Variants in HHAT observed in about 807,000 individuals in gnomAD.
HHAT encodes protein-cysteine N-palmitoyltransferase HHAT.
HHAT carries 47 observed loss-of-function variants against 70.8 expected under a neutral mutation model. The observed-to-expected ratio is 0.66, with a 90% confidence interval of 0.53 to 0.85. The LOEUF (loss-of-function observed/expected upper bound fraction) is 0.85, where lower values mean the gene tolerates loss of function less well. Among genes scored for constraint, HHAT ranks in the 40% least tolerant of loss-of-function variants. The pLI is 0.00. For missense variants in HHAT, 609 were observed against 604.8 expected, an observed-to-expected ratio of 1.01 and a Z score of -0.07; for synonymous variants, 228 against 247.6, an observed-to-expected ratio of 0.92 and a Z score of 0.74.
At chr1:210,581,326 A>G (rs768599847) in intron 9 of HHAT, among the ~76,000 whole-genome samples, 3 of 152,230 alleles carry the variant, frequency 2.0e-5, no homozygotes. Flanking sequence ...CTGGAGGGTC[A>G]TCACTGGCTG....
intron 9 of HHAT, among the ~76,000 whole-genome samples, chr1:210,557,073 G>A (rs1260354382): frequency 2.0e-5 from 3 of 152,222 alleles, no homozygotes; most frequent in Admixed American, 6.5e-5. Context: ...GAATGAGCTG[G>A]AGGAGCATGG....
chr1:210,505,449 T>A (rs1397529704), intron 8 of HHAT, among the ~76,000 whole-genome samples: 1 of 152,176 alleles, frequency 6.6e-6, no homozygotes, highest in Admixed American at 6.5e-5. Context: ...TTTGTTGTAT[T>A]TCAATTATTT....
chr1:210,372,487 T>C (rs997980544), intron 3 of HHAT, among the ~76,000 whole-genome samples: 1 of 152,242 alleles, frequency 6.6e-6, no homozygotes, highest in Non-Finnish European at 1.5e-5. Flanking sequence ...TGTTAAACAG[T>C]GAAGGTGTCT....
chr1:210,412,451 C>T (rs1311098226), intron 6 of HHAT, among the ~76,000 whole-genome samples: 1 of 152,176 alleles, frequency 6.6e-6, no homozygotes, highest in South Asian at 2.1e-4. Context: ...TGCAAATTCC[C>T]CTTCAGCTGT....
intron 3 of HHAT, among the ~76,000 whole-genome samples, chr1:210,386,349 C>T (rs2091071358): frequency 6.8e-6 from 1 of 146,738 alleles, no homozygotes; most frequent in Non-Finnish European, 1.5e-5. Context: ...CGCCATTCTC[C>T]TGCCTCAGCC....
intron 9 of HHAT, among the ~76,000 whole-genome samples, chr1:210,519,081 G>A (rs1005323976): frequency 7.9e-5 from 12 of 152,164 alleles, no homozygotes; most frequent in South Asian, 2.1e-4. Context: ...GTCTGTTTTA[G>A]CACCTGAGCT....
intron 3 of HHAT, among the ~76,000 whole-genome samples, chr1:210,374,819 T>G (rs998265473): frequency 6.7e-6 from 1 of 149,928 alleles, no homozygotes; most frequent in Non-Finnish European, 1.5e-5. Context: ...GGGGTACATG[T>G]GCAAGTTTAT....
chr1:210,569,920 C>T (rs1224187363), intron 9 of HHAT, among the ~76,000 whole-genome samples: 1 of 152,104 alleles, frequency 6.6e-6, no homozygotes, highest in Non-Finnish European at 1.5e-5. Flanking sequence ...TGTTTCAATC[C>T]CTCTTTATAT....
intron 6 of HHAT, among the ~76,000 whole-genome samples, chr1:210,415,247 C>T (rs781221361): frequency 5.9e-5 from 9 of 152,114 alleles, no homozygotes; most frequent in Non-Finnish European, 1.0e-4. Context: ...TTAAAACAAA[C>T]GTGAATGATC....
intron 4 of HHAT, among the ~76,000 whole-genome samples, chr1:210,391,195 T>C (rs567553860): frequency 6.6e-6 from 1 of 152,350 alleles, no homozygotes; most frequent in East Asian, 1.9e-4. Flanking sequence ...GGATTAATAA[T>C]TATGGAAATT....
chr1:210,580,030 C>T (rs1658868425), intron 9 of HHAT, among the ~76,000 whole-genome samples: 1 of 152,170 alleles, frequency 6.6e-6, no homozygotes, highest in South Asian at 2.1e-4. Flanking sequence ...GAAGTGTAGG[C>T]TAAATATAGC....
At chr1:210,575,506 GC>G (rs1257390005) in intron 9 of HHAT, among the ~76,000 whole-genome samples, 1 of 152,148 alleles carries the variant, frequency 6.6e-6, no homozygotes, top group African/African-American at 2.4e-5. Flanking sequence ...GGGCCTGGGA[GC>G]CCTGGGGATG....
intron 8 of HHAT, among the ~76,000 whole-genome samples, chr1:210,491,746 C>T (rs1319768330): frequency 6.6e-6 from 1 of 152,008 alleles, no homozygotes; most frequent in East Asian, 1.9e-4. Flanking sequence ...GACCATATTT[C>T]TTTGTCTGTA....
intron 1 of HHAT, among the ~76,000 whole-genome samples, chr1:210,341,508 G>T (rs1420179684): frequency 6.6e-6 from 1 of 152,168 alleles, no homozygotes; most frequent in East Asian, 1.9e-4. Context: ...GACAGTGGGG[G>T]TTGGGAATTT....
chr1:210,566,108 G>T (rs932007845), intron 9 of HHAT, among the ~76,000 whole-genome samples: 1 of 152,138 alleles, frequency 6.6e-6, no homozygotes, highest in African/African-American at 2.4e-5. Flanking sequence ...ATGCTTTGCT[G>T]CTACAATGTT....
chr1:210,597,644 A>G (rs1472728991), intron 10 of HHAT, among the ~76,000 whole-genome samples: 4 of 151,948 alleles, frequency 2.6e-5, no homozygotes. Context: ...CTGCTTGGCT[A>G]TTGCCAGTGT....
chr1:210,577,454 T>C (rs1326134537), intron 9 of HHAT, among the ~76,000 whole-genome samples: 3 of 152,124 alleles, frequency 2.0e-5, no homozygotes, highest in Non-Finnish European at 2.9e-5. Flanking sequence ...CTTTTGTCCT[T>C]CATTCTGTTA....
At chr1:210,540,701 A>T (rs1011800548) in intron 9 of HHAT, among the ~76,000 whole-genome samples, 2 of 151,860 alleles carry the variant, frequency 1.3e-5, no homozygotes, top group African/African-American at 4.8e-5. Flanking sequence ...GGCTATTCAC[A>T]GGTGCAATAA....
At chr1:210,335,523 ACCTAAG>A (rs1459683096) in intron 1 of HHAT, among the ~76,000 whole-genome samples, 2 of 152,192 alleles carry the variant, frequency 1.3e-5, no homozygotes, top group South Asian at 4.1e-4. Flanking sequence ...AAACTGGAGG[ACCTAAG>A]CTACTAGATC....
Sources: gnomAD v4.1 joint callset for allele counts (sites outside exome capture counted in the v4.1 genomes callset) on GRCh38, gnomAD v4.1.1 for gene constraint, MANE v1.5 for transcripts, NCBI Gene and HGNC (gene_info 2026-07-23, HGNC 2026-07-21) for gene names.